The following AFF3 variants were observed in gnomAD, a reference collection of about 807,000 sequenced individuals.
AFF3 encodes AF4/FMR2 family member 3.
A neutral mutation model predicts 129.7 loss-of-function variants in AFF3; 32 were observed. The ratio of observed to expected loss-of-function variants is 0.25; its 90% CI spans 0.19 to 0.33. AFF3 has a LOEUF of 0.33. AFF3 is among the 10% of genes least tolerant of loss of function. The probability of loss-of-function intolerance (pLI) is 1.00; values close to 1 mark genes in which losing one functional copy is unlikely to be tolerated. For synonymous variants in AFF3, 644 were observed against 635.4 expected, an observed-to-expected ratio of 1.01 and a Z score of -0.20; for missense variants, 1,373 against 1,592.0, an observed-to-expected ratio of 0.86 and a Z score of 2.34.
chr2:99,754,279 T>A (rs943439235), intron 8 of AFF3, among the ~76,000 whole-genome samples: 1 of 152,264 alleles, frequency 6.6e-6, no homozygotes, highest in East Asian at 1.9e-4. Flanking sequence ...TTGTTGACTG[T>A]CTGATGTGTC....
chr2:100,007,767 GTGTT>G, intron 5 of AFF3: 2 of 364,732 alleles, frequency 5.5e-6, no homozygotes, highest in South Asian at 6.1e-5. Flanking sequence ...CTGAGGTCAG[GTGTT>G]TGAGATCAGC....
chr2:99,621,103 G>A (rs185925287), intron 13 of AFF3, among the ~76,000 whole-genome samples: 4 of 152,294 alleles, frequency 2.6e-5, no homozygotes, highest in African/African-American at 4.8e-5. Context: ...TGCCTAACCC[G>A]AATTTCCAAC....
intron 8 of AFF3, among the ~76,000 whole-genome samples, chr2:99,779,230 A>G (rs1020374416): frequency 2.0e-5 from 3 of 152,034 alleles, no homozygotes; most frequent in African/African-American, 7.2e-5. Flanking sequence ...GGGTGTTTTT[A>G]TCATGGATGG....
intron 1 of AFF3, among the ~76,000 whole-genome samples, chr2:100,141,119 T>C (rs749280405): frequency 2.0e-5 from 3 of 152,224 alleles, no homozygotes; most frequent in Non-Finnish European, 4.4e-5. Context: ...CTATCTACTA[T>C]TGTACTTGTG....
chr2:99,546,071 T>C lies in AFF3; in HGVS notation c.*5403A>G. 4.4e-6 allele frequency: 1 copy of C among 227,458 alleles called. No homozygotes were observed. Among genetic ancestry groups the C allele is most frequent in the East Asian group, 6.3e-5 (1 of 15,776 alleles). The allele number at this position is 227,458 out of a possible 1,614,324, so 14.1% of individuals were successfully genotyped here. A position where few individuals can be genotyped will look rare whatever the true frequency, so the allele number is the denominator to read the frequency against. The stretch of plus-strand genomic sequence containing the variant: ...GGACATAAACTCTGGTTCCAAATGG[T>C]TGGAAGTGCAGTTTATGTGGTCAGG... On this transcript the variant is annotated 3_prime_UTR_variant, in exon 25 of 25. Transcript: ENST00000672756.
At chr2:100,063,908 G>A (rs1687499321) in intron 4 of AFF3, among the ~76,000 whole-genome samples, 1 of 151,980 alleles carries the variant, frequency 6.6e-6, no homozygotes, top group African/African-American at 2.4e-5. Flanking sequence ...TGACCAACAT[G>A]GAGAAACCCC....
At chr2:99,744,905 A>T (rs1681024026) in intron 9 of AFF3, among the ~76,000 whole-genome samples, 1 of 152,140 alleles carries the variant, frequency 6.6e-6, no homozygotes, top group Non-Finnish European at 1.5e-5. Flanking sequence ...TATACTTAGG[A>T]GCAGAATTTC....
intron 11 of AFF3, among the ~76,000 whole-genome samples, chr2:99,678,349 T>C (rs1194923376): frequency 6.6e-6 from 1 of 152,200 alleles, no homozygotes. Context: ...GCCTAAAATT[T>C]CTTGGGAAGC....
chr2:99,857,459 G>T (rs749695701), intron 7 of AFF3, among the ~76,000 whole-genome samples: 8 of 152,216 alleles, frequency 5.3e-5, no homozygotes, highest in Middle Eastern at 3.4e-3. Context: ...TTAACTACAG[G>T]GCTGTTTATT....
intron 1 of AFF3, among the ~76,000 whole-genome samples, chr2:100,137,891 G>A (rs1359495330): frequency 6.6e-6 from 1 of 152,170 alleles, no homozygotes; most frequent in Non-Finnish European, 1.5e-5. Flanking sequence ...CCAGATAACT[G>A]CTCAGGTCTT....
intron 4 of AFF3, among the ~76,000 whole-genome samples, chr2:100,024,656 A>G (rs1683893987): frequency 6.6e-6 from 1 of 151,942 alleles, no homozygotes; most frequent in Non-Finnish European, 1.5e-5. Flanking sequence ...AAATAATTGT[A>G]AAACCAATGA....
At chr2:99,593,092 C>T (rs762224740) in intron 15 of AFF3, 103 bp downstream of exon 15, 12 of 1,358,750 alleles carry the variant, frequency 8.8e-6, no homozygotes, top group Admixed American at 7.3e-5. Flanking sequence ...GGCAGCCTAC[C>T]GTCCCAAACA....
intron 11 of AFF3, among the ~76,000 whole-genome samples, chr2:99,724,040 G>A (rs757361355): frequency 2.0e-5 from 3 of 152,050 alleles, no homozygotes; most frequent in Non-Finnish European, 4.4e-5. Context: ...AGAACCATGA[G>A]AAAATAAATT....
chr2:100,007,221 C>T lies in AFF3; in HGVS notation c.414G>A (p.Val138=), dbSNP rs772770762. The part of the protein sequence containing the change: ...TTTSTPAAVP[V]QQSKRGTMGW... ...CCATAGTGCCTCTCTTACTCTGCTG[C>T]ACGGGGACAGCTGCTGGTGTGGAAG... The change falls in exon 6 of 25, where the codon GTG becomes GTA. Residue 138 remains valine (V), a synonymous_variant. Coordinates refer to ENST00000672756, the MANE Select transcript of AFF3 (RefSeq NM_001386135.1). The T allele has an allele frequency of 6.2e-7, 1 of 1,614,132 alleles. No individual in the cohort carries two copies. Among genetic ancestry groups the T allele is most frequent in the East Asian group, 2.2e-5 (1 of 44,878 alleles).
intron 8 of AFF3, among the ~76,000 whole-genome samples, chr2:99,836,142 T>A (rs910197100): frequency 6.6e-6 from 1 of 152,130 alleles, no homozygotes; most frequent in South Asian, 2.1e-4. Context: ...CAAGAGAGAA[T>A]AAGAAGGTAG....
At chr2:99,650,431 C>A (rs191195103) in intron 12 of AFF3, among the ~76,000 whole-genome samples, 1 of 152,008 alleles carries the variant, frequency 6.6e-6, no homozygotes, top group Non-Finnish European at 1.5e-5. Flanking sequence ...TGGTGGCATG[C>A]GCCTGTAGTC....
At chr2:100,020,141 G>T (rs549058161) in intron 4 of AFF3, among the ~76,000 whole-genome samples, 1 of 151,886 alleles carries the variant, frequency 6.6e-6, no homozygotes, top group African/African-American at 2.4e-5. Flanking sequence ...TCCTGTTCAC[G>T]GCCAGGCTTC....
intron 12 of AFF3, among the ~76,000 whole-genome samples, chr2:99,658,005 A>G (rs1293530645): frequency 6.6e-6 from 1 of 152,226 alleles, no homozygotes; most frequent in Non-Finnish European, 1.5e-5. Flanking sequence ...CCCTAGAGAT[A>G]AACCCACGTG....
chr2:100,127,931 A>G (rs1692266896), intron 2 of AFF3, among the ~76,000 whole-genome samples: 1 of 152,158 alleles, frequency 6.6e-6, no homozygotes, highest in Admixed American at 6.5e-5. Context: ...AGCACAAGAT[A>G]CAGGTCCTAA....
Sources: gnomAD v4.1 joint callset for allele counts (sites outside exome capture counted in the v4.1 genomes callset) on GRCh38, gnomAD v4.1.1 for gene constraint, MANE v1.5 for transcripts, NCBI Gene and HGNC (gene_info 2026-07-23, HGNC 2026-07-21) for gene names.